The following MDGA2 variants were observed in gnomAD, a reference collection of about 807,000 sequenced individuals.
MDGA2 encodes MAM domain-containing glycosylphosphatidylinositol anchor protein 2.
A neutral mutation model predicts 117.8 loss-of-function variants in MDGA2; 40 were observed. The observed-to-expected ratio is 0.34, with a 90% CI of 0.26 to 0.44. The LOEUF (loss-of-function observed/expected upper bound fraction) is 0.44. Among genes scored for constraint, MDGA2 ranks in the 20% least tolerant of loss-of-function variants. MDGA2 has a pLI of 1.00. For missense variants in MDGA2, 1,123 were observed against 1,250.6 expected (o/e 0.90, Z 1.54); for synonymous variants, 452 against 439.0 (o/e 1.03, Z -0.37).
chr14:47,087,915 T>C (rs2138929096), intron 6 of MDGA2, among the ~76,000 whole-genome samples: 1 of 152,136 alleles, frequency 6.6e-6, no homozygotes, highest in East Asian at 1.9e-4. Flanking sequence ...GTGCCGACTT[T>C]TAGAGCACTA....
chr14:47,108,252 C>T (rs1952214), intron 5 of MDGA2, among the ~76,000 whole-genome samples: 16,989 of 152,084 alleles, frequency 0.11, 1,094 homozygotes, highest in Admixed American at 0.11. Context: ...AAAAAATTTT[C>T]GCCGCCCCAA....
At chr14:47,002,579 A>T (rs1887570474) in intron 8 of MDGA2, among the ~76,000 whole-genome samples, 1 of 151,968 alleles carries the variant, frequency 6.6e-6, no homozygotes, top group Non-Finnish European at 1.5e-5. Flanking sequence ...CAGAAAAAAA[A>T]TTAGCCAGGC....
At chr14:47,288,018 C>T (rs770907502) in intron 2 of MDGA2, among the ~76,000 whole-genome samples, 1 of 152,158 alleles carries the variant, frequency 6.6e-6, no homozygotes, top group Non-Finnish European at 1.5e-5. Flanking sequence ...GATGGCCCTC[C>T]TGACACCGTA....
At chr14:47,563,578 G>GTTTTTTTTTTTTTTTTTTTTTTT (rs56244321) in intron 1 of MDGA2, among the ~76,000 whole-genome samples, 1 of 56,974 alleles carries the variant, frequency 1.8e-5, no homozygotes, top group Non-Finnish European at 3.2e-5. Flanking sequence ...GCTTTTTTCT[G>GTTTTTTTTTTTTTTTTTTTTTTT]TTTTTTTTTT....
At chr14:47,578,265 G>T (rs2138834964) in intron 1 of MDGA2, among the ~76,000 whole-genome samples, 1 of 152,066 alleles carries the variant, frequency 6.6e-6, no homozygotes, top group East Asian at 1.9e-4. Flanking sequence ...GGGTGGGGGT[G>T]AGGGGAAGGA....
intron 11 of MDGA2, among the ~76,000 whole-genome samples, chr14:46,881,297 A>C (rs555143528): frequency 6.6e-6 from 1 of 152,296 alleles, no homozygotes; most frequent in South Asian, 2.1e-4. Flanking sequence ...AATTTACAAC[A>C]TTCTCGAAAA....
chr14:47,299,412 T>C (rs1318420625), intron 2 of MDGA2: 3 of 152,184 alleles, frequency 2.0e-5, no homozygotes, highest in African/African-American at 2.4e-5. Flanking sequence ...GTGGGACTAA[T>C]GGGAACCTCA....
intron 1 of MDGA2, among the ~76,000 whole-genome samples, chr14:47,467,884 A>G (rs1373774204): frequency 6.6e-6 from 1 of 152,192 alleles, no homozygotes; most frequent in Non-Finnish European, 1.5e-5. Context: ...TTAAAACAAC[A>G]GTAAAATGAA....
At chr14:47,083,454 C>T (rs1193419668) in intron 6 of MDGA2, among the ~76,000 whole-genome samples, 1 of 142,624 alleles carries the variant, frequency 7.0e-6, no homozygotes, top group Non-Finnish European at 1.6e-5. Flanking sequence ...GGGAAAAGTA[C>T]ACTACTCTAT....
Position 47,036,012 on chromosome 14 carries a change from G to A in MDGA2, c.1526-708C>T, listed in dbSNP as rs140755766. Among the ~76,000 whole-genome samples the A allele has an allele frequency of 3.7e-4, 57 of 152,146 alleles. 1 individual carries two copies. In the East Asian group the frequency reaches 8.9e-3, roughly 24 times the overall value. ...TGGTCTTGCGCGGTGGCTCACGCCT[G>A]TAATCCCAGCACTTTGGGATAATGA... is the stretch of plus-strand genomic sequence containing the variant. On this transcript the variant is annotated intron_variant, in intron 7 of 16. Transcript: ENST00000399232.
chr14:47,145,300 C>A (rs1882896153), intron 3 of MDGA2, among the ~76,000 whole-genome samples: 1 of 152,118 alleles, frequency 6.6e-6, no homozygotes, highest in Admixed American at 6.6e-5. Context: ...CTACCCATCT[C>A]TACCATTGCA....
chr14:46,981,847 A>G (rs910574099), intron 8 of MDGA2, among the ~76,000 whole-genome samples: 1 of 152,212 alleles, frequency 6.6e-6, no homozygotes, highest in Non-Finnish European at 1.5e-5. Context: ...TTTTTAATAT[A>G]CATGGGTCTT....
Position 47,320,823 on chromosome 14 carries a change from G to T in MDGA2, c.281-19273C>A, listed in dbSNP as rs531662188. Among the ~76,000 whole-genome samples, 9 of 152,200 alleles carry T rather than the reference G, an allele frequency of 5.9e-5. No individual in the cohort carries two copies. In the East Asian group the frequency reaches 1.5e-3, roughly 26 times the overall value. On this transcript the variant is annotated intron_variant, in intron 1 of 16. Transcript: ENST00000399232. ...TTTTTCCTGGAGGGGAAGAGCCTCG[G>T]TTAAAGAGATTTAAGAATGCTTTGA...
intron 8 of MDGA2, among the ~76,000 whole-genome samples, chr14:46,987,285 A>T (rs1036474899): frequency 1.3e-5 from 2 of 152,132 alleles, no homozygotes; most frequent in African/African-American, 4.8e-5. Flanking sequence ...TGTCCATGTG[A>T]TGAATGAGTC....
chr14:47,010,025 C>T (rs769123320), intron 8 of MDGA2, among the ~76,000 whole-genome samples: 4 of 151,928 alleles, frequency 2.6e-5, no homozygotes, highest in Admixed American at 1.3e-4. Context: ...CAACACCTTA[C>T]GGAAGAGTTC....
intron 2 of MDGA2, among the ~76,000 whole-genome samples, chr14:47,244,901 CCT>C (rs1887187282): frequency 6.6e-6 from 1 of 151,820 alleles, no homozygotes; most frequent in Non-Finnish European, 1.5e-5. Flanking sequence ...ACCAAGTGCT[CCT>C]CTCTTCCTCC....
intron 1 of MDGA2, among the ~76,000 whole-genome samples, chr14:47,531,863 T>C (rs182894864): frequency 6.6e-6 from 1 of 152,358 alleles, no homozygotes; most frequent in East Asian, 1.9e-4. Flanking sequence ...CAGAGAATTG[T>C]GTGCATTTAT....
intron 5 of MDGA2, among the ~76,000 whole-genome samples, chr14:47,119,932 G>T (rs940068377): frequency 2.6e-5 from 4 of 152,026 alleles, no homozygotes; most frequent in African/African-American, 9.7e-5. Flanking sequence ...TCATTTTGAA[G>T]GATTCTCATC....
At position 47,039,875 on chromosome 14, in the gene MDGA2, A is replaced by T. The variant is rs546321515; in HGVS notation, c.1526-4571T>A. 2.0e-5 allele frequency among the ~76,000 whole-genome samples: 3 copies of T among 152,088 alleles called. No individual in the cohort carries two copies. The South Asian group carries it at 6.2e-4, about 32-fold the overall frequency. ...ATAAACAGTTGTATCTAATTTTTATATATTAAATAACTACATATTAGCTCT... is the reference window on the plus strand; with the variant it reads ...ATAAACAGTTGTATCTAATTTTTATTTATTAAATAACTACATATTAGCTCT... On this transcript the variant is annotated intron_variant, in intron 7 of 16. Transcript: ENST00000399232.
Sources: allele counts gnomAD v4.1 joint callset (sites outside exome capture counted in the v4.1 genomes callset), GRCh38; gene constraint gnomAD v4.1.1; transcripts MANE v1.5; gene names NCBI Gene and HGNC (gene_info 2026-07-23, HGNC 2026-07-21).